Variants in MAP2 observed in about 807,000 individuals in gnomAD.
MAP2 encodes the protein microtubule-associated protein 2.
Under a neutral mutation model 137.6 loss-of-function variants are expected in MAP2, and 14 were observed. That is an observed-to-expected ratio of 0.10 (90% CI 0.07 to 0.16). The LOEUF is 0.16. MAP2 is among the 10% of genes least tolerant of loss of function. MAP2 has a pLI of 1.00. For synonymous variants in MAP2, 786 were observed against 782.3 expected (o/e 1.00, Z -0.08); for missense variants, 2,088 against 2,191.5 (o/e 0.95, Z 0.94).
chr2:209,583,655 C>T (rs1425013645), intron 3 of MAP2, among the ~76,000 whole-genome samples: 1 of 152,016 alleles, frequency 6.6e-6, no homozygotes, highest in Non-Finnish European at 1.5e-5. Context: ...TTAAGATTCT[C>T]TACTTGCAAA....
At chr2:209,534,105 T>C (rs537927436) in intron 2 of MAP2, among the ~76,000 whole-genome samples, 5 of 152,334 alleles carry the variant, frequency 3.3e-5, no homozygotes, top group South Asian at 2.1e-4. Context: ...CCTTCAAGCA[T>C]AGACCAACTT....
rs761796820 is a variant in MAP2 at position 209,694,878 on chromosome 2, A to C, written c.2708A>C (p.Lys903Thr). 10 of 1,614,200 alleles carry C rather than the reference A, an allele frequency of 6.2e-6. No individual in the cohort carries two copies. Among genetic ancestry groups the C allele is most frequent in the East Asian group, 2.2e-5 (1 of 44,872 alleles). Residue 903 changes from lysine (K) to threonine (T), a missense_variant, in exon 8 of 16, where the codon AAA (lysine) becomes ACA (threonine). Around this residue, in one of 6 missense-constraint regions of MAP2, gnomAD observed 500 missense variants for 482.9 expected, o/e 1.04. Coordinates refer to ENST00000682079, the MANE Select transcript of MAP2 (RefSeq NM_001375505.1). ...ACCTTTTACGAAGGCACTGATGATA[A>C]AGTTCGAAGAGATTTGGCCACAGAC... ...SGTFYEGTDD[K>T]VRRDLATDLS...
chr2:209,518,995 C>T (rs2062902848), intron 2 of MAP2, among the ~76,000 whole-genome samples: 1 of 151,814 alleles, frequency 6.6e-6, no homozygotes, highest in Non-Finnish European at 1.5e-5. Flanking sequence ...TGTTTAAGTC[C>T]TTTGTTAAAT....
chr2:209,644,805 G>A (rs547605065), intron 4 of MAP2, among the ~76,000 whole-genome samples: 5 of 151,982 alleles, frequency 3.3e-5, no homozygotes, highest in African/African-American at 9.6e-5. Flanking sequence ...TTTAGACTTC[G>A]AAGAAAAGGT....
chr2:209,486,366 G>A (rs943750799), intron 1 of MAP2, among the ~76,000 whole-genome samples: 7 of 151,944 alleles, frequency 4.6e-5, no homozygotes, highest in South Asian at 2.1e-4. Context: ...TGGGACTACC[G>A]GAGTGCGCCA....
At position 209,650,470 on chromosome 2, in the gene MAP2, CA is replaced by C. The variant is rs949286280; in HGVS notation, c.-29-2666del. 2.0e-5 allele frequency among the ~76,000 whole-genome samples: 3 copies of C among 151,950 alleles called. 1 individual carries two copies. The South Asian group carries it at 6.2e-4, about 32-fold the overall frequency. The stretch of plus-strand genomic sequence containing the variant: ...ACACATAACTTTAAACTAATCATTA[CA>C]AAAAACAGACAGATCTCAATAGAGG... On this transcript the variant is annotated intron_variant, in intron 4 of 15. Transcript: ENST00000682079.
At chr2:209,690,815 C>T in intron 7 of MAP2, 6 of 1,286,654 alleles carry the variant, frequency 4.7e-6, no homozygotes, top group African/African-American at 1.5e-5. Context: ...GGAGGTGTCT[C>T]CAGAAGTAAA....
chr2:209,588,307 G>A (rs963076918), intron 3 of MAP2, among the ~76,000 whole-genome samples: 1 of 152,132 alleles, frequency 6.6e-6, no homozygotes, highest in Admixed American at 6.6e-5. Flanking sequence ...GTCTGAGTAA[G>A]TTTTGTTTTT....
intron 13 of MAP2, among the ~76,000 whole-genome samples, chr2:209,724,429 C>G (rs1381633509): frequency 6.6e-6 from 1 of 152,156 alleles, no homozygotes; most frequent in African/African-American, 2.4e-5. Flanking sequence ...GGTGATCAGG[C>G]TAACTGTATT....
chr2:209,570,680 G>T (rs1239463268), intron 2 of MAP2, among the ~76,000 whole-genome samples: 1 of 151,830 alleles, frequency 6.6e-6, no homozygotes, highest in Non-Finnish European at 1.5e-5. Flanking sequence ...AGAAAGGAAA[G>T]AGCTTTATGA....
At chr2:209,723,792 C>T in intron 13 of MAP2, 5 of 740,664 alleles carry the variant, frequency 6.8e-6, no homozygotes, top group Non-Finnish European at 2.4e-6. Flanking sequence ...CTGCTCCTTT[C>T]TCACTGCTGT....
At chr2:209,578,770 A>G (rs1477252914) in intron 2 of MAP2, among the ~76,000 whole-genome samples, 1 of 152,212 alleles carries the variant, frequency 6.6e-6, no homozygotes, top group African/African-American at 2.4e-5. Context: ...AGTTGCTAAC[A>G]TGGAGGGGAT....
intron 12 of MAP2, among the ~76,000 whole-genome samples, chr2:209,706,924 A>G (rs2063615652): frequency 6.6e-6 from 1 of 152,188 alleles, no homozygotes; most frequent in Non-Finnish European, 1.5e-5. Flanking sequence ...ATATGTGTTA[A>G]GAACACTGAA....
intron 1 of MAP2, among the ~76,000 whole-genome samples, chr2:209,433,259 G>A (rs543012642): frequency 1.3e-5 from 2 of 152,084 alleles, no homozygotes; most frequent in Admixed American, 1.3e-4. Flanking sequence ...ATATAATAGA[G>A]CTTGTCTGTG....
intron 2 of MAP2, among the ~76,000 whole-genome samples, chr2:209,510,459 A>G (rs759354534): frequency 1.1e-4 from 16 of 152,194 alleles, no homozygotes; most frequent in African/African-American, 3.6e-4. Context: ...CTTAGGATCA[A>G]TTTGTAGAAG....
Position 209,705,686 on chromosome 2 carries a change from C to G in MAP2, c.4691C>G (p.Ser1564Cys). 1 of 1,613,208 alleles carries G rather than the reference C, an allele frequency of 6.2e-7. No homozygotes were observed. Among genetic ancestry groups the G allele is most frequent in the Non-Finnish European group, 8.5e-7 (1 of 1,179,330 alleles). The change falls in exon 12 of 16, where the codon TCT becomes TGT. Residue 1564 changes from serine to cysteine, a missense_variant. Coordinates refer to ENST00000682079, the MANE Select transcript of MAP2 (RefSeq NM_001375505.1). ...GGAGACAGAGATGAGAATTCCTTCT[C>G]TCTCAACAGTTCTATCTCTTCTTCA... ...VSGDRDENSF[S>C]LNSSISSSAR...
intron 3 of MAP2, among the ~76,000 whole-genome samples, chr2:209,593,635 ATATATATATATATATATATATATAT>A (rs1207514987): frequency 8.3e-5 from 2 of 24,070 alleles, no homozygotes; most frequent in Admixed American, 7.5e-4. Flanking sequence ...AAAAAAAAAA[ATATATATATATATATATATATATAT>A]ATATATATAT....
At chr2:209,492,880 T>G (rs1476946318) in intron 1 of MAP2, among the ~76,000 whole-genome samples, 4 of 152,176 alleles carry the variant, frequency 2.6e-5, no homozygotes. Context: ...AATTTATAGA[T>G]TCAATGCTAC....
chr2:209,536,772 A>G (rs1020504615), intron 2 of MAP2, among the ~76,000 whole-genome samples: 3 of 152,022 alleles, frequency 2.0e-5, no homozygotes, highest in Non-Finnish European at 4.4e-5. Flanking sequence ...ATATGATAGT[A>G]TTTTTTTTCA....
Sources: gnomAD v4.1 joint callset for allele counts (sites outside exome capture counted in the v4.1 genomes callset) on GRCh38, gnomAD v4.1.1 for gene constraint, gnomAD v4.1.1 regional missense constraint, MANE v1.5 for transcripts, NCBI Gene and HGNC (gene_info 2026-07-23, HGNC 2026-07-21) for gene names.